Variants in NAV3 observed in about 807,000 individuals in gnomAD.
NAV3 encodes the protein neuron navigator 3, also known as pore membrane and/or filament interacting like protein 1.
A neutral mutation model predicts 244.7 loss-of-function variants in NAV3; 87 were observed. The ratio of observed to expected loss-of-function variants is 0.36; its 90% CI spans 0.30 to 0.42. The LOEUF is 0.42. Among genes scored for constraint, NAV3 ranks in the 20% least tolerant of loss-of-function variants. NAV3 has a pLI of 1.00. For synonymous variants in NAV3, 1,126 were observed against 1,042.2 expected (o/e 1.08, Z -1.55); for missense variants, 2,663 against 2,893.3 (o/e 0.92, Z 1.83).
Position 77,863,592 on chromosome 12 carries a change from C to G in NAV3, c.243+31888C>G, listed in dbSNP as rs189983801. ...TAAAATTTATTGGACTGAGTCTTGA[C>G]ACATCTAACTGCAATTTTCTCTTTG... On this transcript the variant is annotated intron_variant, in intron 1 of 39. Transcript: ENST00000397909. Among the ~76,000 whole-genome samples the G allele has an allele frequency of 7.9e-5, 12 of 151,876 alleles. No individual in the cohort carries two copies. In the East Asian group the frequency reaches 2.3e-3, roughly 29 times the overall value.
At chr12:77,867,481 G>A (rs570868686) in intron 1 of NAV3, among the ~76,000 whole-genome samples, 12 of 152,102 alleles carry the variant, frequency 7.9e-5, no homozygotes, top group African/African-American at 2.4e-4. Flanking sequence ...GTGCAGTGGC[G>A]CGATCTCAGC....
chr12:78,049,927 A>G, intron 9 of NAV3, 66 bp from the exon 10 acceptor site: 1 of 997,146 alleles, frequency 1.0e-6, no homozygotes, highest in Non-Finnish European at 1.5e-6. Context: ...TTAATTATCT[A>G]GGTATACAAT....
At chr12:78,098,007 A>AT (rs1954345743) in intron 12 of NAV3, among the ~76,000 whole-genome samples, 1 of 152,132 alleles carries the variant, frequency 6.6e-6, no homozygotes, top group Non-Finnish European at 1.5e-5. Flanking sequence ...GAACGCCTAT[A>AT]ACTAAATTCT....
intron 1 of NAV3, among the ~76,000 whole-genome samples, chr12:77,896,584 T>C (rs753498023): frequency 1.3e-5 from 2 of 152,200 alleles, no homozygotes; most frequent in Non-Finnish European, 2.9e-5. Context: ...TGGGGGAATA[T>C]GGAAAAATAT....
chr12:77,572,979 G>C (rs1868899805), intron 2 of NAV3, among the ~76,000 whole-genome samples: 1 of 152,156 alleles, frequency 6.6e-6, no homozygotes, highest in Non-Finnish European at 1.5e-5. Flanking sequence ...ACACTTATCA[G>C]AAGGGTTAGA....
Position 78,095,064 on chromosome 12 carries a change from T to C in NAV3, c.2637-21708T>C, listed in dbSNP as rs71203991. Among the ~76,000 whole-genome samples, 894 of 137,566 alleles carry C rather than the reference T, an allele frequency of 6.5e-3. 7 individuals carry two copies. The highest frequency in any genetic ancestry group is 0.015 in the Middle Eastern group (4 of 264). The allele number at this position is 137,566 out of a possible 152,430, so 90.2% of individuals were successfully genotyped here. A position where few individuals can be genotyped will look rare whatever the true frequency, so the allele number is the denominator to read the frequency against. ...ATCAAATTATATATATATATATATA[T>C]ACACACACACACACACACACACACA... On this transcript the variant is annotated intron_variant, in intron 12 of 39. Coordinates refer to ENST00000397909, the MANE Select transcript of NAV3 (RefSeq NM_001024383.2).
intron 1 of NAV3, among the ~76,000 whole-genome samples, chr12:77,888,828 T>C (rs1054457965): frequency 7.2e-5 from 11 of 152,192 alleles, no homozygotes; most frequent in East Asian, 5.8e-4. Flanking sequence ...AGGTGAGTCA[T>C]ATGTGTGTGA....
At chr12:77,823,083 A>C (rs2136037299) in intron 2 of NAV3, among the ~76,000 whole-genome samples, 1 of 152,290 alleles carries the variant, frequency 6.6e-6, no homozygotes, top group Non-Finnish European at 1.5e-5. Context: ...TCAAAGGGGA[A>C]AGCTTACAAC....
At chr12:78,144,923 AAAAAAAAAAAAAAAAAAAAAAAAAG>A (rs1479033117) in intron 20 of NAV3, 1 of 17,864 alleles carries the variant, frequency 5.6e-5, no homozygotes, top group Non-Finnish European at 1.4e-4. Flanking sequence ...AAAAAAAAAA[AAAAAAAAAAAAAAAAAAAAAAAAAG>A]AAAGAAAGAA....
rs549397482 is a variant in NAV3, at chr12:78,075,790, G to T, written c.2636+16675G>T. ...CCTACCTCCAAAGTTTTATTAACCT[G>T]CCATTGATCTATTAATTATTTTCAT... On this transcript the variant is annotated intron_variant, in intron 12 of 39. Coordinates refer to ENST00000397909, the MANE Select transcript of NAV3 (RefSeq NM_001024383.2). Among the ~76,000 whole-genome samples, 16 of 152,250 alleles carry T rather than the reference G, an allele frequency of 1.1e-4. 1 individual carries two copies. Among genetic ancestry groups the T allele is most frequent in the African/African-American group, 2.9e-4 (12 of 41,544 alleles).
At chr12:78,024,293 C>A (rs927690152) in intron 9 of NAV3, among the ~76,000 whole-genome samples, 3 of 152,180 alleles carry the variant, frequency 2.0e-5, no homozygotes, top group Non-Finnish European at 4.4e-5. Flanking sequence ...CTATTCTATA[C>A]CAACAATGAA....
intron 2 of NAV3, among the ~76,000 whole-genome samples, chr12:77,732,439 G>T (rs962062048): frequency 2.6e-5 from 4 of 151,942 alleles, no homozygotes; most frequent in Admixed American, 2.0e-4. Flanking sequence ...CAAGCTATAG[G>T]ACATCAGCAG....
chr12:77,862,117 T>C (rs1879338904), intron 1 of NAV3, among the ~76,000 whole-genome samples: 1 of 151,842 alleles, frequency 6.6e-6, no homozygotes, highest in Admixed American at 6.6e-5. Context: ...GTTCTGAGAT[T>C]TCTACAGATG....
rs998420548 is a variant in NAV3, at chr12:77,748,036, AAAAT to A, written c.72+175774_72+175777del. On this transcript the variant is annotated intron_variant, in intron 2 of 8. Coordinates refer to the NAV3 transcript ENST00000550042. ...TACCCTAAAACTTAAAGTATAATAA[AAAAT>A]AAAAATAAAAAAAATTGATTTTAAG... 1.2e-3 allele frequency among the ~76,000 whole-genome samples: 188 copies of A among 152,244 alleles called. No homozygotes were observed. The Middle Eastern group carries it at 0.017, about 14-fold the overall frequency.
chr12:78,030,320 T>C (rs912615874), intron 9 of NAV3, among the ~76,000 whole-genome samples: 2 of 152,198 alleles, frequency 1.3e-5, no homozygotes, highest in African/African-American at 4.8e-5. Context: ...TTCTGAGTTC[T>C]GGATGCTAGT....
At chr12:77,622,321 G>T (rs996471358) in intron 2 of NAV3, among the ~76,000 whole-genome samples, 1 of 151,756 alleles carries the variant, frequency 6.6e-6, no homozygotes, top group African/African-American at 2.4e-5. Context: ...CACCACACCC[G>T]GATAATTTTT....
In NAV3 at chr12:77,691,333, G is replaced by GTATATATATATATATATA. The variant is rs1214933751; in HGVS notation, c.72+119068_72+119069insATATATATATATATATAT. On this transcript the variant is annotated intron_variant, in intron 2 of 8. Coordinates refer to the NAV3 transcript ENST00000550042. ...TAGTCATATATAAGTATTTGTGTAT[G>GTATATATATATATATATA]TGTGTATATATATATATATATACAT... Among the ~76,000 whole-genome samples the GTATATATATATATATATA allele has an allele frequency of 2.7e-3, 277 of 100,858 alleles. 14 individuals are homozygous for GTATATATATATATATATA. Among genetic ancestry groups the GTATATATATATATATATA allele is most frequent in the African/African-American group, 0.01 (267 of 26,032 alleles). The allele number at this position is 100,858 out of a possible 152,430, so 66.2% of individuals were successfully genotyped here.
chr12:78,147,742 T>TCTA (rs1463649403), intron 21 of NAV3, among the ~76,000 whole-genome samples: 1 of 152,130 alleles, frequency 6.6e-6, no homozygotes, highest in Admixed American at 6.6e-5. Context: ...TTCAACAAAA[T>TCTA]CTAATGCCCG....
intron 12 of NAV3, among the ~76,000 whole-genome samples, chr12:78,107,151 A>G (rs1954844791): frequency 6.6e-6 from 1 of 152,212 alleles, no homozygotes; most frequent in Non-Finnish European, 1.5e-5. Flanking sequence ...ACATTCAACC[A>G]GAAGAAAGAA....
Sources: gnomAD v4.1 joint callset for allele counts (sites outside exome capture counted in the v4.1 genomes callset) on GRCh38, gnomAD v4.1.1 for gene constraint, MANE v1.5 for transcripts, NCBI Gene and HGNC (gene_info 2026-07-23, HGNC 2026-07-21) for gene names.